AOPEP: variants seen among roughly 807,000 people sequenced by gnomAD.
The protein encoded by AOPEP is aminopeptidase O (putative).
A neutral mutation model predicts 98.1 loss-of-function variants in AOPEP; 77 were observed. That is an observed-to-expected ratio of 0.78 (90% CI 0.65 to 0.95). The LOEUF is 0.95. Among genes scored for constraint, AOPEP ranks in the 40% least tolerant of loss-of-function variants. The pLI is 0.00. For missense variants in AOPEP, 1,024 were observed against 1,024.7 expected (o/e 1.00, Z 0.01); for synonymous variants, 346 against 365.3 (o/e 0.95, Z 0.60).
chr9:94,956,110 G>T (rs1478813780), intron 9 of AOPEP, 95 bp downstream of exon 9: 1 of 732,538 alleles, frequency 1.4e-6, no homozygotes, highest in South Asian at 2.1e-5. Context: ...GTAGGGAAAA[G>T]GTTTCCCATT....
chr9:95,032,366 TC>T (rs34811837), intron 13 of AOPEP, among the ~76,000 whole-genome samples: 2 of 152,302 alleles, frequency 1.3e-5, no homozygotes, highest in African/African-American at 2.4e-5. Context: ...CCTGTCCACC[TC>T]CCAGGGAAAT....
intron 5 of AOPEP, among the ~76,000 whole-genome samples, chr9:94,885,348 C>CAAAAAAAAAAAAAAAAAAAAAA (rs71366268): frequency 2.8e-5 from 1 of 35,988 alleles, no homozygotes; most frequent in African/African-American, 8.8e-5. Flanking sequence ...GATCCTGTCT[C>CAAAAAAAAAAAAAAAAAAAAAA]AAAAAAAAAA....
chr9:95,077,469 G>A (rs550374309), intron 14 of AOPEP, among the ~76,000 whole-genome samples: 8 of 152,302 alleles, frequency 5.3e-5, no homozygotes, highest in South Asian at 4.2e-4. Flanking sequence ...GCCAGGCACC[G>A]TCCTGGGAGC....
At chr9:95,034,827 C>T (rs955957852) in intron 13 of AOPEP, among the ~76,000 whole-genome samples, 2 of 152,160 alleles carry the variant, frequency 1.3e-5, no homozygotes, top group Non-Finnish European at 2.9e-5. Context: ...GCTTGAGAAG[C>T]GGGCCTTGCT....
At chr9:94,939,433 G>T (rs1014826393) in intron 7 of AOPEP, among the ~76,000 whole-genome samples, 2 of 152,116 alleles carry the variant, frequency 1.3e-5, no homozygotes, top group African/African-American at 4.8e-5. Context: ...ATCCTGCCTC[G>T]TGTTAGGGAG....
intron 14 of AOPEP, among the ~76,000 whole-genome samples, chr9:95,068,751 G>A (rs2068170972): frequency 6.6e-6 from 1 of 152,050 alleles, no homozygotes; most frequent in Non-Finnish European, 1.5e-5. Context: ...TTAGTCTCTG[G>A]GGTTTATTTT....
chr9:94,823,259 G>A (rs1171178350), intron 5 of AOPEP, among the ~76,000 whole-genome samples: 2 of 152,164 alleles, frequency 1.3e-5, no homozygotes, highest in African/African-American at 4.8e-5. Context: ...GCCTCCCAAA[G>A]TGCTGGGATT....
intron 5 of AOPEP, among the ~76,000 whole-genome samples, chr9:94,883,579 A>G (rs773715305): frequency 2.6e-5 from 4 of 152,208 alleles, no homozygotes; most frequent in Non-Finnish European, 5.9e-5. Context: ...AAGTTAAGTT[A>G]CAATTCAGAC....
At chr9:94,799,035 G>A (rs1037352330) in intron 4 of AOPEP, among the ~76,000 whole-genome samples, 1 of 152,094 alleles carries the variant, frequency 6.6e-6, no homozygotes, top group Non-Finnish European at 1.5e-5. Context: ...CTTACTCTCC[G>A]TTGTGGTGAA....
chr9:95,004,059 G>T, intron 11 of AOPEP: 1 of 342,818 alleles, frequency 2.9e-6, no homozygotes, highest in Non-Finnish European at 5.8e-6. Flanking sequence ...TAAACCTTTT[G>T]ATCTTGAAAG....
intron 14 of AOPEP, among the ~76,000 whole-genome samples, chr9:95,064,998 G>GC (rs1401943206): frequency 6.6e-6 from 1 of 152,192 alleles, no homozygotes; most frequent in African/African-American, 2.4e-5. Context: ...GCTTTGGAGG[G>GC]CTTGGAGATG....
At chr9:94,987,341 G>T (rs2060584098) in intron 11 of AOPEP, among the ~76,000 whole-genome samples, 1 of 152,242 alleles carries the variant, frequency 6.6e-6, no homozygotes, top group Admixed American at 6.5e-5. Context: ...GGTAGAGCAT[G>T]GGCAGGTGGA....
rs149573393 is a variant in AOPEP, at chr9:94,853,889, A to G, written c.1364+52887A>G. Reference sequence around the variant, plus strand: ...TGGAGAAGCAGTTACTCTCATAGGTACATGCTAGCAGAGCTTTTACTTCAC... The same window carrying G: ...TGGAGAAGCAGTTACTCTCATAGGTGCATGCTAGCAGAGCTTTTACTTCAC... On this transcript the variant is annotated intron_variant, in intron 5 of 16. Transcript: ENST00000375315. Among the ~76,000 whole-genome samples the G allele has an allele frequency of 2.0e-5, 3 of 152,336 alleles. No individual in the cohort carries two copies. The East Asian group carries it at 5.8e-4, about 29-fold the overall frequency.
chr9:94,884,007 C>T (rs2047896203), intron 5 of AOPEP, among the ~76,000 whole-genome samples: 1 of 152,164 alleles, frequency 6.6e-6, no homozygotes, highest in African/African-American at 2.4e-5. Flanking sequence ...ATAGAGTTTC[C>T]TCATGGGTTG....
chr9:94,987,036 C>A lies in AOPEP; in HGVS notation c.1977+7609C>A, dbSNP rs144411218. Among the ~76,000 whole-genome samples, 1,037 of 152,336 alleles carry A rather than the reference C, an allele frequency of 6.8e-3. 10 individuals carry two copies. Among genetic ancestry groups the A allele is most frequent in the African/African-American group, 0.024 (984 of 41,570 alleles). ...TGATATTTGCAAGAGGAAGCTTCTT[C>A]CAGGATCTGAAATCAGACCTCTGAG... On this transcript the variant is annotated intron_variant, in intron 11 of 16. Transcript: ENST00000375315.
intron 5 of AOPEP, among the ~76,000 whole-genome samples, chr9:94,909,346 TAAAAAAAA>T (rs3052031): frequency 3.7e-5 from 3 of 82,032 alleles, no homozygotes; most frequent in African/African-American, 4.6e-5. Context: ...TTTGGAGCCT[TAAAAAAAA>T]AAAAAAAAAA....
At chr9:95,016,604 A>G (rs1451543585) in intron 13 of AOPEP, among the ~76,000 whole-genome samples, 7 of 152,008 alleles carry the variant, frequency 4.6e-5, no homozygotes, top group Admixed American at 2.6e-4. Context: ...TTCCAGCACC[A>G]CAGATATAGC....
intron 3 of AOPEP, among the ~76,000 whole-genome samples, chr9:94,789,342 A>G (rs1845137088): frequency 2.6e-5 from 4 of 152,216 alleles, no homozygotes. Context: ...TGAGCTGCCA[A>G]GGGTCTGAAT....
chr9:95,049,330 C>T (rs1020648866), intron 13 of AOPEP, among the ~76,000 whole-genome samples: 2 of 152,148 alleles, frequency 1.3e-5, no homozygotes, highest in Non-Finnish European at 2.9e-5. Context: ...GGGATGCAAG[C>T]AGTAGCCACA....
Sources: allele counts gnomAD v4.1 joint callset (sites outside exome capture counted in the v4.1 genomes callset), GRCh38; gene constraint gnomAD v4.1.1; transcripts MANE v1.5; gene names NCBI Gene and HGNC (gene_info 2026-07-23, HGNC 2026-07-21).